GPC3: variants seen among roughly 807,000 people sequenced by gnomAD.
GPC3 encodes glypican 3.
Under a neutral mutation model 34.4 loss-of-function variants are expected in GPC3, and 3 were observed. The observed-to-expected ratio is 0.09, with a 90% CI of 0.04 to 0.23. GPC3 has a LOEUF of 0.23. GPC3 is among the 10% of genes least tolerant of loss of function. GPC3 has a pLI of 1.00. For synonymous variants in GPC3, 177 were observed against 174.0 expected (o/e 1.02, Z -0.13); for missense variants, 351 against 445.6 (o/e 0.79, Z 1.91).
At chrX:133,637,978 A>G (rs2070445465) in intron 6 of GPC3, among the ~76,000 whole-genome samples, 1 of 111,642 alleles carries the variant, frequency 9.0e-6, no homozygotes, top group Non-Finnish European at 1.9e-5. Context: ...TCTTAGAGGC[A>G]AAATCATGAT....
intron 3 of GPC3, among the ~76,000 whole-genome samples, chrX:133,735,791 C>G (rs745473064): frequency 2.7e-4 from 29 of 108,695 alleles, no homozygotes; most frequent in African/African-American, 9.1e-4. Context: ...GGTAAAACCT[C>G]ATCTCTACAA....
chrX:133,673,590 A>T (rs1327416039), intron 5 of GPC3, among the ~76,000 whole-genome samples: 2 of 112,382 alleles, frequency 1.8e-5, no homozygotes, highest in South Asian at 7.4e-4. Flanking sequence ...GCAAGTACAT[A>T]ATACATTTTA....
chrX:133,592,672 C>G (rs1228654228), intron 7 of GPC3, among the ~76,000 whole-genome samples: 1 of 110,896 alleles, frequency 9.0e-6, no homozygotes, highest in Non-Finnish European at 1.9e-5. Flanking sequence ...ATTCAGAGGA[C>G]AGAGGTAACT....
At chrX:133,642,772 CAAAAAAAAAAA>C (rs375514321) in intron 6 of GPC3, among the ~76,000 whole-genome samples, 8 of 25,797 alleles carry the variant, frequency 3.1e-4, no homozygotes, top group African/African-American at 6.1e-4. Context: ...AACTACGTCT[CAAAAAAAAAAA>C]AAAAAAAAAA....
chrX:133,549,829 C>T (rs2069417942), intron 7 of GPC3, among the ~76,000 whole-genome samples: 1 of 95,752 alleles, frequency 1.0e-5, no homozygotes, highest in African/African-American at 3.9e-5. Flanking sequence ...CTCTCTCCCT[C>T]CCTCCCTGTC....
In GPC3 at chrX:133,837,851, G is replaced by A. The variant is rs960876303; in HGVS notation, c.338-83675C>T. 4.4e-5 allele frequency among the ~76,000 whole-genome samples: 5 copies of A among 112,440 alleles called. No individual in the cohort carries two copies. In the Admixed American group the frequency reaches 4.7e-4, roughly 11 times the overall value. Reference sequence around the variant, plus strand: ...ATAACTAATTCATTGTTGAGGGTTTGTGGTACCTTTTTCATTTTTATTTCC... The same window carrying A: ...ATAACTAATTCATTGTTGAGGGTTTATGGTACCTTTTTCATTTTTATTTCC... On this transcript the variant is annotated intron_variant, in intron 2 of 7. Coordinates refer to ENST00000370818, the MANE Select transcript of GPC3 (RefSeq NM_004484.4).
chrX:133,725,321 C>T (rs757060574), intron 3 of GPC3, among the ~76,000 whole-genome samples: 3 of 111,444 alleles, frequency 2.7e-5, no homozygotes, highest in East Asian at 2.8e-4. Flanking sequence ...CCCACGAGTT[C>T]GAGACCCGTC....
intron 2 of GPC3, among the ~76,000 whole-genome samples, chrX:133,783,771 A>G (rs187821795): frequency 8.9e-6 from 1 of 112,658 alleles, no homozygotes; most frequent in Admixed American, 9.4e-5. Context: ...TACCATGAAA[A>G]AATCAAGAGC....
chrX:133,569,890 G>T (rs2069611324), intron 7 of GPC3, among the ~76,000 whole-genome samples: 2 of 104,768 alleles, frequency 1.9e-5, no homozygotes, highest in Admixed American at 9.9e-5. Flanking sequence ...TATAGAAAAA[G>T]AATGGGTTTT....
chrX:133,702,818 T>A (rs1037531798), intron 3 of GPC3, among the ~76,000 whole-genome samples: 7 of 111,900 alleles, frequency 6.3e-5, no homozygotes, highest in African/African-American at 2.3e-4. Flanking sequence ...CCACATCTTA[T>A]CAGACAGGCT....
chrX:133,549,481 C>T (rs1244680264), intron 7 of GPC3, among the ~76,000 whole-genome samples: 1 of 111,187 alleles, frequency 9.0e-6, no homozygotes, highest in Admixed American at 9.6e-5. Flanking sequence ...TTTCCAGTTT[C>T]AACTGCCCAT....
At chrX:133,932,845 G>A (rs1184734774) in intron 2 of GPC3, among the ~76,000 whole-genome samples, 1 of 111,460 alleles carries the variant, frequency 9.0e-6, no homozygotes, top group Non-Finnish European at 1.9e-5. Flanking sequence ...AAGAACCAAT[G>A]TGCCAGTCTC....
intron 2 of GPC3, among the ~76,000 whole-genome samples, chrX:133,888,222 C>G (rs1603266272): frequency 9.0e-6 from 1 of 111,031 alleles, no homozygotes; most frequent in East Asian, 2.8e-4. Flanking sequence ...TGGTTTCCAG[C>G]TTCATCCATG....
chrX:133,633,531 T>A (rs143845760), intron 6 of GPC3, among the ~76,000 whole-genome samples: 1,900 of 111,889 alleles, frequency 0.017, 36 homozygotes, highest in African/African-American at 0.058. Context: ...GGACCTTAAG[T>A]GTGATTGCCT....
intron 2 of GPC3, among the ~76,000 whole-genome samples, chrX:133,824,084 G>T (rs2075734102): frequency 9.4e-6 from 1 of 105,937 alleles, no homozygotes; most frequent in Non-Finnish European, 1.9e-5. Flanking sequence ...AAGAGATATA[G>T]CCAAAAAAAT....
At position 133,662,281 on chromosome X, in the gene GPC3, GTTC is replaced by G. The variant is rs775544081; in HGVS notation, c.1293-434_1293-432del. 4.5e-5 allele frequency among the ~76,000 whole-genome samples: 5 copies of G among 111,897 alleles called. No individual in the cohort carries two copies. In the East Asian group the frequency reaches 1.4e-3, roughly 32 times the overall value. The stretch of plus-strand genomic sequence containing the variant: ...ATTTGAAGGAGAAAGATTCTTCCAT[GTTC>G]TTTACCTCTTCCTTCTCCTCTTCTT... On this transcript the variant is annotated intron_variant, in intron 5 of 7. Coordinates refer to ENST00000370818, the MANE Select transcript of GPC3 (RefSeq NM_004484.4).
intron 2 of GPC3, among the ~76,000 whole-genome samples, chrX:133,947,227 C>A (rs1396366232): frequency 9.0e-6 from 1 of 110,889 alleles, no homozygotes; most frequent in East Asian, 2.9e-4. Flanking sequence ...TTTGTTGAGC[C>A]CACTAGTGAG....
chrX:133,547,696 G>C (rs1473687882), intron 7 of GPC3, among the ~76,000 whole-genome samples: 1 of 109,444 alleles, frequency 9.1e-6, no homozygotes, highest in Non-Finnish European at 1.9e-5. Flanking sequence ...TTTGAGACAG[G>C]GTCTGGCTCT....
At chrX:133,703,163 A>C (rs928024789) in intron 3 of GPC3, among the ~76,000 whole-genome samples, 8 of 111,713 alleles carry the variant, frequency 7.2e-5, no homozygotes, top group African/African-American at 2.6e-4. Context: ...CCTGCCCAGG[A>C]GTTTTAGGCT....
Sources: gnomAD v4.1 joint callset for allele counts (sites outside exome capture counted in the v4.1 genomes callset) on GRCh38, gnomAD v4.1.1 for gene constraint, MANE v1.5 for transcripts, NCBI Gene and HGNC (gene_info 2026-07-23, HGNC 2026-07-21) for gene names.